Variants in CSMD1 observed in about 807,000 individuals in gnomAD.
CSMD1 encodes the protein CUB and Sushi multiple domains 1.
In CSMD1, 213 loss-of-function variants were observed where a neutral mutation model predicts 417.5. That is an observed-to-expected ratio of 0.51 (90% CI 0.46 to 0.57). CSMD1 has a LOEUF of 0.57. Among genes scored for constraint, CSMD1 ranks in the 20% least tolerant of loss-of-function variants. The pLI is 0.00. For missense variants in CSMD1, 6,923 were observed against 4,529.7 expected, an observed-to-expected ratio of 1.53 and a Z score of -15.17; for synonymous variants, 2,862 against 1,736.8, an observed-to-expected ratio of 1.65 and a Z score of -16.11.
At chr8:4,646,996 G>C (rs575568780) in intron 1 of CSMD1, among the ~76,000 whole-genome samples, 2 of 152,290 alleles carry the variant, frequency 1.3e-5, no homozygotes, top group African/African-American at 4.8e-5. Flanking sequence ...CCTAGTCATA[G>C]ACTAACAGCC....
chr8:4,271,314 T>G (rs947154979), intron 3 of CSMD1, among the ~76,000 whole-genome samples: 1 of 152,136 alleles, frequency 6.6e-6, no homozygotes, highest in Non-Finnish European at 1.5e-5. Flanking sequence ...CCACAGAGGT[T>G]GGTGAAATCG....
intron 3 of CSMD1, among the ~76,000 whole-genome samples, chr8:4,419,466 A>G (rs147406136): frequency 7.2e-4 from 109 of 152,318 alleles, no homozygotes; most frequent in African/African-American, 2.2e-3. Context: ...ATGAAAACAA[A>G]TAAGTCTCTA....
intron 4 of CSMD1, among the ~76,000 whole-genome samples, chr8:4,003,845 C>A (rs971941852): frequency 2.4e-5 from 2 of 83,216 alleles, no homozygotes; most frequent in Admixed American, 2.5e-4. Context: ...ATTATGTGAA[C>A]TATTTAATCA....
At chr8:3,527,041 G>A (rs1797782529) in intron 10 of CSMD1, among the ~76,000 whole-genome samples, 2 of 152,006 alleles carry the variant, frequency 1.3e-5, no homozygotes, top group Non-Finnish European at 2.9e-5. Context: ...GGCTGCAGTT[G>A]TCGTATGCAT....
chr8:4,292,287 C>T (rs1397511339), intron 3 of CSMD1, among the ~76,000 whole-genome samples: 1 of 152,156 alleles, frequency 6.6e-6, no homozygotes, highest in South Asian at 2.1e-4. Flanking sequence ...GAGTCTCGCT[C>T]TGTCGCCCAG....
At chr8:3,211,074 T>G (rs1797577775) in intron 30 of CSMD1, among the ~76,000 whole-genome samples, 1 of 152,184 alleles carries the variant, frequency 6.6e-6, no homozygotes, top group Middle Eastern at 3.2e-3. Flanking sequence ...AGATAAGGTA[T>G]TGCCCTGTTG....
chr8:4,657,005 C>A (rs769912291), intron 1 of CSMD1, among the ~76,000 whole-genome samples: 1 of 152,026 alleles, frequency 6.6e-6, no homozygotes, highest in Admixed American at 6.6e-5. Flanking sequence ...CAAAAACCAC[C>A]GTAGGGCACG....
At chr8:4,075,020 C>T (rs1276275140) in intron 3 of CSMD1, among the ~76,000 whole-genome samples, 1 of 152,126 alleles carries the variant, frequency 6.6e-6, no homozygotes, top group African/African-American at 2.4e-5. Context: ...TGTCTTTACT[C>T]ACTGTAATAA....
chr8:3,716,906 T>G (rs1213429352), intron 6 of CSMD1, among the ~76,000 whole-genome samples: 1 of 152,240 alleles, frequency 6.6e-6, no homozygotes, highest in Non-Finnish European at 1.5e-5. Context: ...GGTACTAAAA[T>G]GCTGGAGTAC....
At chr8:4,361,509 G>C (rs1584956499) in intron 3 of CSMD1, among the ~76,000 whole-genome samples, 1 of 152,196 alleles carries the variant, frequency 6.6e-6, no homozygotes, top group African/African-American at 2.4e-5. Context: ...GAAGACGGAG[G>C]CCTGCAAGAT....
chr8:4,658,881 A>G (rs1046697621), intron 1 of CSMD1, among the ~76,000 whole-genome samples: 3 of 152,166 alleles, frequency 2.0e-5, no homozygotes, highest in African/African-American at 7.2e-5. Context: ...AGAGCTATAT[A>G]GGAGCACAAC....
intron 8 of CSMD1, 58 bp from the exon 9 acceptor site, chr8:3,586,318 G>T: frequency 8.2e-7 from 1 of 1,212,578 alleles, no homozygotes; most frequent in Non-Finnish European, 1.1e-6. Flanking sequence ...ACTTCTTTAG[G>T]AAAAAAAAAA....
intron 2 of CSMD1, among the ~76,000 whole-genome samples, chr8:4,518,908 T>C (rs1466795802): frequency 6.6e-6 from 1 of 152,160 alleles, no homozygotes; most frequent in Non-Finnish European, 1.5e-5. Context: ...CCCCATAAAA[T>C]CGTGTCATGA....
At chr8:3,875,302 A>C (rs536297187) in intron 5 of CSMD1, among the ~76,000 whole-genome samples, 41 of 152,314 alleles carry the variant, frequency 2.7e-4, no homozygotes, top group African/African-American at 9.9e-4. Context: ...TAAGGATCCT[A>C]AACTCAAAGA....
intron 5 of CSMD1, among the ~76,000 whole-genome samples, chr8:3,983,054 T>C (rs1344498447): frequency 6.6e-6 from 1 of 151,998 alleles, no homozygotes; most frequent in Non-Finnish European, 1.5e-5. Flanking sequence ...CCAATCCAAG[T>C]TGGCTGACTC....
chr8:3,661,631 G>C (rs1437736507), intron 7 of CSMD1, among the ~76,000 whole-genome samples: 1 of 152,042 alleles, frequency 6.6e-6, no homozygotes, highest in Non-Finnish European at 1.5e-5. Flanking sequence ...CAAGTAGTTG[G>C]CATTACAGGT....
chr8:2,950,117 G>C (rs2128918793), intron 67 of CSMD1, 114 bp downstream of exon 67: 2 of 668,726 alleles, frequency 3.0e-6, no homozygotes, highest in East Asian at 2.5e-5. Context: ...GAGTTTTCAA[G>C]GGGCAGACAC....
intron 3 of CSMD1, among the ~76,000 whole-genome samples, chr8:4,145,865 TGTTGA>T (rs1804081125): frequency 6.6e-6 from 1 of 151,110 alleles, no homozygotes; most frequent in South Asian, 2.1e-4. Context: ...GCTTTGAATT[TGTTGA>T]GTTTTCAAAA....
chr8:4,159,025 C>G (rs974333407), intron 3 of CSMD1, among the ~76,000 whole-genome samples: 2 of 152,166 alleles, frequency 1.3e-5, no homozygotes, highest in African/African-American at 4.8e-5. Context: ...AAGCGATTCT[C>G]CTGCCTCAGC....
Sources: gnomAD v4.1 joint callset for allele counts (sites outside exome capture counted in the v4.1 genomes callset) on GRCh38, gnomAD v4.1.1 for gene constraint, MANE v1.5 for transcripts, NCBI Gene and HGNC (gene_info 2026-07-23, HGNC 2026-07-21) for gene names.